Variants in RBFOX1 observed in about 807,000 individuals in gnomAD.
RBFOX1 encodes the protein RNA binding fox-1 homolog 1.
RBFOX1 carries 8 observed loss-of-function variants against 57.7 expected under a neutral mutation model. The observed-to-expected ratio is 0.14, with a 90% CI of 0.08 to 0.25. The LOEUF is 0.25. RBFOX1 is among the 10% of genes least tolerant of loss of function. The probability of loss-of-function intolerance (pLI) is 1.00; values close to 1 mark genes in which losing one functional copy is unlikely to be tolerated. For synonymous variants in RBFOX1, 326 were observed against 222.4 expected, an observed-to-expected ratio of 1.47 and a Z score of -4.15; for missense variants, 611 against 548.5, an observed-to-expected ratio of 1.11 and a Z score of -1.14.
intron 3 of RBFOX1, among the ~76,000 whole-genome samples, chr16:5,717,199 C>G (rs1359413311): frequency 6.6e-6 from 1 of 152,132 alleles, no homozygotes; most frequent in Non-Finnish European, 1.5e-5. Flanking sequence ...AATTTATAAT[C>G]TCTTAATTTC....
intron 4 of RBFOX1, among the ~76,000 whole-genome samples, chr16:5,996,599 A>G (rs1013924274): frequency 2.0e-5 from 3 of 152,084 alleles, no homozygotes; most frequent in African/African-American, 7.2e-5. Context: ...TGGGGAAATC[A>G]CAAGGGCTAA....
chr16:7,063,871 T>G (rs1406036258), intron 4 of RBFOX1, among the ~76,000 whole-genome samples: 1 of 152,224 alleles, frequency 6.6e-6, no homozygotes, highest in Non-Finnish European at 1.5e-5. Flanking sequence ...GTGCATAGGT[T>G]ATATGCAAAT....
intron 1 of RBFOX1, chr16:6,090,233 A>G (rs2096151642): frequency 1.3e-5 from 2 of 152,104 alleles, no homozygotes; most frequent in Non-Finnish European, 2.9e-5. Flanking sequence ...GCCCACAGAG[A>G]TAATCCAGAA....
chr16:7,426,859 G>A (rs375183691), intron 4 of RBFOX1, among the ~76,000 whole-genome samples: 3 of 152,232 alleles, frequency 2.0e-5, no homozygotes, highest in East Asian at 3.9e-4. Flanking sequence ...ACATGAGGGT[G>A]CATCAGCATT....
intron 1 of RBFOX1, among the ~76,000 whole-genome samples, chr16:5,281,516 A>C (rs1431115035): frequency 1.3e-5 from 2 of 152,218 alleles, no homozygotes; most frequent in African/African-American, 4.8e-5. Flanking sequence ...CAATGCTGAG[A>C]GTAGGATATT....
chr16:6,561,809 C>T (rs1414842869), intron 2 of RBFOX1, among the ~76,000 whole-genome samples: 1 of 151,988 alleles, frequency 6.6e-6, no homozygotes, highest in African/African-American at 2.4e-5. Flanking sequence ...TGTGTAGGGG[C>T]CAGTTTTTTA....
At chr16:5,398,435 A>G (rs568352910) in intron 1 of RBFOX1, among the ~76,000 whole-genome samples, 1 of 151,462 alleles carries the variant, frequency 6.6e-6, no homozygotes, top group Non-Finnish European at 1.5e-5. Context: ...GTACGTGTGT[A>G]TGCTTGTGCT....
At chr16:7,554,077 C>G (rs1035340055) in intron 5 of RBFOX1, among the ~76,000 whole-genome samples, 2 of 152,080 alleles carry the variant, frequency 1.3e-5, no homozygotes, top group African/African-American at 4.8e-5. Flanking sequence ...ACACTGCACT[C>G]CAGCCTGGGT....
chr16:6,096,198 A>G (rs898029192), intron 1 of RBFOX1, among the ~76,000 whole-genome samples: 3 of 152,210 alleles, frequency 2.0e-5, no homozygotes, highest in Admixed American at 6.5e-5. Flanking sequence ...AGGAAATCCC[A>G]GGAGAAGAGC....
At chr16:7,310,928 C>T (rs1031238222) in intron 4 of RBFOX1, among the ~76,000 whole-genome samples, 1 of 152,182 alleles carries the variant, frequency 6.6e-6, no homozygotes, top group East Asian at 1.9e-4. Flanking sequence ...TCTTGTGAAC[C>T]ATGCATGCAG....
At chr16:6,404,354 C>A (rs1174437936) in intron 2 of RBFOX1, among the ~76,000 whole-genome samples, 1 of 152,122 alleles carries the variant, frequency 6.6e-6, no homozygotes, top group African/African-American at 2.4e-5. Context: ...ATTTTGGTAT[C>A]TGTGGAGGGT....
At chr16:6,472,591 C>G (rs932907466) in intron 2 of RBFOX1, among the ~76,000 whole-genome samples, 2 of 151,844 alleles carry the variant, frequency 1.3e-5, no homozygotes, top group Admixed American at 6.6e-5. Flanking sequence ...TTCTCTTATT[C>G]TCCAAACTCT....
At chr16:6,041,559 C>T (rs956204550) in intron 1 of RBFOX1, among the ~76,000 whole-genome samples, 3 of 152,128 alleles carry the variant, frequency 2.0e-5, no homozygotes, top group Admixed American at 6.5e-5. Flanking sequence ...GGAAACTCCT[C>T]ATCCGTATGT....
chr16:7,158,508 T>A (rs1157909357), intron 4 of RBFOX1, among the ~76,000 whole-genome samples: 1 of 152,068 alleles, frequency 6.6e-6, no homozygotes, highest in Non-Finnish European at 1.5e-5. Flanking sequence ...TCCTGTGGGA[T>A]GTATGTTTGT....
intron 1 of RBFOX1, among the ~76,000 whole-genome samples, chr16:6,119,454 T>C (rs1032937294): frequency 1.3e-5 from 2 of 152,190 alleles, no homozygotes; most frequent in Admixed American, 6.5e-5. Flanking sequence ...AGTTTCTTCA[T>C]GGTAAGATTG....
intron 3 of RBFOX1, among the ~76,000 whole-genome samples, chr16:5,755,992 G>A (rs543069268): frequency 6.6e-6 from 1 of 152,118 alleles, no homozygotes; most frequent in Non-Finnish European, 1.5e-5. Flanking sequence ...AAAGACCTCA[G>A]AGGTCATGGT....
chr16:6,531,657 T>A (rs1223931368), intron 2 of RBFOX1, among the ~76,000 whole-genome samples: 1 of 152,324 alleles, frequency 6.6e-6, no homozygotes, highest in South Asian at 2.1e-4. Context: ...GCATATGTTG[T>A]CTAGTAGCCC....
At chr16:5,557,755 C>A (rs191706539) in intron 2 of RBFOX1, among the ~76,000 whole-genome samples, 2 of 152,220 alleles carry the variant, frequency 1.3e-5, no homozygotes, top group African/African-American at 4.8e-5. Flanking sequence ...AAGGCCCCAC[C>A]CCCAAACCTG....
intron 4 of RBFOX1, among the ~76,000 whole-genome samples, chr16:5,935,832 G>A (rs1567165874): frequency 1.3e-5 from 2 of 152,110 alleles, no homozygotes. Flanking sequence ...GCCTACTTTG[G>A]GTGGTCATGG....
Sources: allele counts gnomAD v4.1 joint callset (sites outside exome capture counted in the v4.1 genomes callset), GRCh38; gene constraint gnomAD v4.1.1; transcripts MANE v1.5; gene names NCBI Gene and HGNC (gene_info 2026-07-23, HGNC 2026-07-21).